The following NKAIN1 variants were observed in gnomAD, a reference collection of about 807,000 sequenced individuals.
NKAIN1 encodes the protein sodium/potassium transporting ATPase interacting 1.
NKAIN1 carries 13 observed loss-of-function variants against 31.6 expected under a neutral mutation model. The ratio of observed to expected loss-of-function variants is 0.41; its 90% CI spans 0.27 to 0.65. NKAIN1 has a LOEUF of 0.65. Among genes scored for constraint, NKAIN1 ranks in the 30% least tolerant of loss-of-function variants. The pLI, the probability that NKAIN1 is intolerant of heterozygous loss-of-function variation, is 0.30. For missense variants in NKAIN1, 193 were observed against 262.2 expected (o/e 0.74, Z 1.82); for synonymous variants, 104 against 109.0 (o/e 0.95, Z 0.28).
intron 1 of NKAIN1, among the ~76,000 whole-genome samples, chr1:31,192,055 C>T (rs1645289755): frequency 6.6e-6 from 1 of 152,324 alleles, no homozygotes; most frequent in Admixed American, 6.5e-5. Context: ...GGATTACAGA[C>T]ATAAGCCACT....
chr1:31,233,773 C>T lies in NKAIN1; in HGVS notation c.54+5721G>A, dbSNP rs951064216. On this transcript the variant is annotated intron_variant, in intron 1 of 6. Transcript: ENST00000373736. This position sits in a 1 kb window ranked among gnomAD's most constrained non-coding sequence, Gnocchi z 4.0. ...GAGAGCACTTTCCTAGGCCAGGGAC[C>T]GTACTTGGCTATCCCGGCATCAACT... Among the ~76,000 whole-genome samples, 1 of 152,148 alleles carries T rather than the reference C, an allele frequency of 6.6e-6. No homozygotes were observed. The highest frequency in any genetic ancestry group is 2.4e-5 in the African/African-American group (1 of 41,448).
chr1:31,200,458 C>CTCTT (rs1553162490), intron 1 of NKAIN1, among the ~76,000 whole-genome samples: 1 of 121,884 alleles, frequency 8.2e-6, no homozygotes, highest in African/African-American at 3.1e-5. Flanking sequence ...TCTCCTCTCT[C>CTCTT]TTTTTTTTTT....
intron 1 of NKAIN1, among the ~76,000 whole-genome samples, chr1:31,234,893 A>T (rs541670258): frequency 6.6e-6 from 1 of 152,272 alleles, no homozygotes; most frequent in African/African-American, 2.4e-5. Context: ...GTCACTGACT[A>T]GCTTAGCGAG....
chr1:31,220,181 T>G lies in NKAIN1; in HGVS notation c.54+19313A>C, dbSNP rs866453471. Among the ~76,000 whole-genome samples the G allele has an allele frequency of 5.7e-3, 849 of 148,450 alleles. 9 individuals are homozygous for G. Among genetic ancestry groups the G allele is most frequent in the African/African-American group, 0.019 (752 of 40,488 alleles). The stretch of plus-strand genomic sequence containing the variant: ...TGCCACCACGCCCAGCTAATTTTTT[T>G]TTTTTTTTTTTTTTTAGTACAGACG... On this transcript the variant is annotated intron_variant, in intron 1 of 6. Coordinates refer to ENST00000373736, the MANE Select transcript of NKAIN1 (RefSeq NM_024522.3).
chr1:31,193,363 C>T (rs944611058), intron 1 of NKAIN1, among the ~76,000 whole-genome samples: 3 of 151,790 alleles, frequency 2.0e-5, no homozygotes, highest in Non-Finnish European at 2.9e-5. Flanking sequence ...CCACCGCGCC[C>T]GGCAACAATC....
rs1207822477 is a variant in NKAIN1, at chr1:31,181,712, C to T, written c.615G>A (p.Thr205=). The change falls in exon 7 of 7, where the codon ACG becomes ACA. Residue 205 remains threonine (T), a splice_region_variant and synonymous_variant. Transcript: ENST00000373736. ...GGGCGCGGGGCAGAGGCTACCCCGA[C>T]CTGCGGGAAACAAAGGCAGGTTAGG... ...TSHLQLQPLY[T]SG is the part of the protein sequence containing the mutation. 2 of 1,487,728 alleles carry T rather than the reference C, an allele frequency of 1.3e-6. No individual in the cohort carries two copies. The highest frequency in any genetic ancestry group is 1.8e-6 in the Non-Finnish European group (2 of 1,112,756). 92.2% of individuals were successfully genotyped at this position (1,487,728 alleles called of 1,614,324 possible). A position where few individuals can be genotyped will look rare whatever the true frequency, so the allele number is the denominator to read the frequency against.
intron 1 of NKAIN1, among the ~76,000 whole-genome samples, chr1:31,199,285 A>G (rs1645357598): frequency 6.6e-6 from 1 of 152,140 alleles, no homozygotes; most frequent in Admixed American, 6.6e-5. Flanking sequence ...CCCCTCTCTG[A>G]GCCTCAGTTT....
At position 31,182,509 on chromosome 1, in the gene NKAIN1, C is replaced by G. The variant is rs150738505; in HGVS notation, c.532+21G>C. 2.3e-4 allele frequency: 366 copies of G among 1,613,890 alleles called. No homozygotes were observed. The African/African-American group carries it at 4.5e-3, about 20-fold the overall frequency. ...AGGCGCAGGGCCAGATTCCCCACTT[C>G]CCCAGGGGCGCCTTACTCACAGCTG... On this transcript the variant is annotated intron_variant, in intron 5 of 6. Coordinates refer to ENST00000373736, the MANE Select transcript of NKAIN1 (RefSeq NM_024522.3).
At chr1:31,182,406 C>T (rs1645209737) in intron 5 of NKAIN1, 124 bp downstream of exon 5, 1 of 1,031,834 alleles carries the variant, frequency 9.7e-7, no homozygotes, top group Non-Finnish European at 1.5e-6. Flanking sequence ...GCCGCCTCTT[C>T]CCCTCGAAAG....
At chr1:31,192,278 C>A (rs1645291408) in intron 1 of NKAIN1, among the ~76,000 whole-genome samples, 1 of 152,164 alleles carries the variant, frequency 6.6e-6, no homozygotes, top group Non-Finnish European at 1.5e-5. Context: ...TATCTATAAC[C>A]AGCTAGACCC....
chr1:31,225,033 CTTT>C (rs1553163963), intron 1 of NKAIN1, among the ~76,000 whole-genome samples: 3 of 112,122 alleles, frequency 2.7e-5, no homozygotes, highest in Non-Finnish European at 1.7e-5. Context: ...CTTTTCTTTT[CTTT>C]TTTTTTTTTT....
rs1471161393 is a variant in NKAIN1 at position 31,194,658 on chromosome 1, C to T, written c.55-6471G>A. Reference sequence around the variant, plus strand: ...CCGACCTCAGGTGATTTGCCTGCCTCGGCCTCCCAAAGTGCTGGGATTACA... The same window carrying T: ...CCGACCTCAGGTGATTTGCCTGCCTTGGCCTCCCAAAGTGCTGGGATTACA... On this transcript the variant is annotated intron_variant, in intron 1 of 6. Transcript: ENST00000373736. Among the ~76,000 whole-genome samples, 35 of 151,900 alleles carry T rather than the reference C, an allele frequency of 2.3e-4. 1 individual carries two copies. Among genetic ancestry groups the T allele is most frequent in the African/African-American group, 8.0e-4 (33 of 41,454 alleles).
chr1:31,205,787 T>C (rs1645419229), intron 1 of NKAIN1, among the ~76,000 whole-genome samples: 1 of 151,550 alleles, frequency 6.6e-6, no homozygotes, highest in African/African-American at 2.4e-5. Flanking sequence ...CACGCCCAGC[T>C]AATTTTTGCA....
chr1:31,197,545 C>CTTTTTTTTTT lies in NKAIN1; in HGVS notation c.55-9368_55-9359dup, dbSNP rs754860679. Among the ~76,000 whole-genome samples, 6 of 111,378 alleles carry CTTTTTTTTTT rather than the reference C, an allele frequency of 5.4e-5. 2 individuals are homozygous for CTTTTTTTTTT. The highest frequency in any genetic ancestry group is 2.1e-4 in the Admixed American group (2 of 9,636). The allele number at this position is 111,378 out of a possible 152,430, so 73.1% of individuals were successfully genotyped here. A position where few individuals can be genotyped will look rare whatever the true frequency, so the allele number is the denominator to read the frequency against. On this transcript the variant is annotated intron_variant, in intron 1 of 6. Transcript: ENST00000373736. Reference sequence around the variant, plus strand: ...ACAGGCATGAGCCACCGTGCCCGGCCTTTTTTTTTTTTTTTCCCTGAGATG... The same window carrying CTTTTTTTTTT: ...ACAGGCATGAGCCACCGTGCCCGGCCTTTTTTTTTTTTTTTTTTTTTTTTTCCCTGAGATG...
Position 31,198,827 on chromosome 1 carries a change from A to AGGAT in NKAIN1, c.55-10644_55-10641dup, listed in dbSNP as rs774388682. 6.9e-4 allele frequency among the ~76,000 whole-genome samples: 104 copies of AGGAT among 150,408 alleles called. 1 individual carries two copies. Among genetic ancestry groups the AGGAT allele is most frequent in the Admixed American group, 1.2e-3 (17 of 14,750 alleles). On this transcript the variant is annotated intron_variant, in intron 1 of 6. Transcript: ENST00000373736. ...AGTCAGGGCTGCCTCTGTTCTCAGT[A>AGGAT]GGATGCTCTTGTCTGTCTAGACGCC...
At chr1:31,220,692 T>C (rs898680965) in intron 1 of NKAIN1, among the ~76,000 whole-genome samples, 1 of 142,302 alleles carries the variant, frequency 7.0e-6, no homozygotes, top group Non-Finnish European at 1.5e-5. Context: ...GAGGTGGAGG[T>C]TGCGGTGAGC....
rs1173554929 is a variant in NKAIN1, at chr1:31,239,355, C to T, written c.54+139G>A. On this transcript the variant is annotated intron_variant, in intron 1 of 6. Coordinates refer to ENST00000373736, the MANE Select transcript of NKAIN1 (RefSeq NM_024522.3). The surrounding 1 kb of genome is among the most constrained non-coding windows in gnomAD (Gnocchi z 4.8). The stretch of plus-strand genomic sequence containing the variant: ...GGGAGCAGGCTCCGCCCGACCGCTC[C>T]GAGACTCCAGACCACCCCCCGCCCG... 2 of 520,174 alleles carry T rather than the reference C, an allele frequency of 3.8e-6. No individual in the cohort carries two copies. Among genetic ancestry groups the T allele is most frequent in the Non-Finnish European group, 3.0e-6 (1 of 334,812 alleles). The allele number at this position is 520,174 out of a possible 1,614,324, so 32.2% of individuals were successfully genotyped here.
At chr1:31,210,291 CTT>C (rs5773343) in intron 1 of NKAIN1, among the ~76,000 whole-genome samples, 1,458 of 136,092 alleles carry the variant, frequency 0.011, 5 homozygotes, top group African/African-American at 0.021. Flanking sequence ...TTTTGCCATT[CTT>C]TTTTTTTTTT....
intron 1 of NKAIN1, among the ~76,000 whole-genome samples, chr1:31,226,046 A>T (rs76674488): frequency 6.6e-6 from 1 of 152,220 alleles, no homozygotes; most frequent in Non-Finnish European, 1.5e-5. Flanking sequence ...TCACCCAGGG[A>T]ATATAAAAGG....
Sources: allele counts gnomAD v4.1 joint callset (sites outside exome capture counted in the v4.1 genomes callset), GRCh38; gene constraint gnomAD v4.1.1; non-coding constraint Gnocchi (gnomAD v3.1); transcripts MANE v1.5; gene names NCBI Gene and HGNC (gene_info 2026-07-23, HGNC 2026-07-21).